ASCC2: variants seen among roughly 807,000 people sequenced by gnomAD.
The protein encoded by ASCC2 is activating signal cointegrator 1 complex subunit 2.
Under a neutral mutation model 93.5 loss-of-function variants are expected in ASCC2, and 42 were observed. The ratio of observed to expected loss-of-function variants is 0.45; its 90% CI spans 0.35 to 0.58. ASCC2 has a LOEUF of 0.58. ASCC2 is among the 20% of genes least tolerant of loss of function. The pLI, the probability that ASCC2 is intolerant of heterozygous loss-of-function variation, is 0.00. For missense variants in ASCC2, 859 were observed against 977.6 expected, an observed-to-expected ratio of 0.88 and a Z score of 1.62; for synonymous variants, 364 against 384.2, an observed-to-expected ratio of 0.95 and a Z score of 0.62.
At chr22:29,790,420 C>G in intron 19 of ASCC2, 49 bp downstream of exon 19, 1 of 1,604,848 alleles carries the variant, frequency 6.2e-7, no homozygotes, top group Non-Finnish European at 8.5e-7. Flanking sequence ...CTAGGCCCTC[C>G]CCAGATGGTG....
chr22:29,806,604 C>T, intron 10 of ASCC2, 51 bp from the exon 11 acceptor site: 1 of 1,549,554 alleles, frequency 6.5e-7, no homozygotes, highest in Middle Eastern at 1.7e-4. Flanking sequence ...AGATGAGCTG[C>T]AGCTCCTTTA....
rs770997841 is a variant in ASCC2 at position 29,801,026 on chromosome 22, G to GCTGAACACA, written c.1652_1653insTGTGTTCAG (p.Asp551_Ser552insValPheSer). ...TGTGCACCCGGCTCAGGTCTACTGA[G>GCTGAACACA]TCCCTGCTGAACACATCAAACTCGT... On this transcript the variant is annotated inframe_insertion, in exon 15 of 20. Coordinates refer to ENST00000307790, the MANE Select transcript of ASCC2 (RefSeq NM_032204.5). The GCTGAACACA allele has an allele frequency of 2.1e-5, 34 of 1,603,398 alleles. 1 individual carries two copies. In the South Asian group the frequency reaches 2.9e-4, roughly 14 times the overall value.
intron 1 of ASCC2, among the ~76,000 whole-genome samples, chr22:29,836,678 A>C (rs2148457438): frequency 6.6e-6 from 1 of 152,112 alleles, no homozygotes; most frequent in East Asian, 2.0e-4. Flanking sequence ...CTCCTGCCTC[A>C]GCCTCCCGAG....
Position 29,800,971 on chromosome 22 carries a change from C to A in ASCC2, c.1688+20G>T. The A allele has an allele frequency of 6.4e-7, 1 of 1,568,506 alleles. No homozygotes were observed. The highest frequency in any genetic ancestry group is 8.7e-7 in the Non-Finnish European group (1 of 1,148,310). On this transcript the variant is annotated intron_variant, in intron 15 of 19. Coordinates refer to ENST00000307790, the MANE Select transcript of ASCC2 (RefSeq NM_032204.5). The stretch of plus-strand genomic sequence containing the variant: ...CTTCCAGAGTTGGGGTATCGGAACC[C>A]CATGGCCCACTGCACTCACCTCTTG...
intron 7 of ASCC2, among the ~76,000 whole-genome samples, chr22:29,814,169 C>G (rs149508573): frequency 1.6e-3 from 244 of 152,320 alleles, no homozygotes; most frequent in African/African-American, 5.7e-3. Flanking sequence ...ATCTCCAGGG[C>G]TAGGGCAGCA....
At chr22:29,833,309 C>G (rs923934650) in intron 1 of ASCC2, among the ~76,000 whole-genome samples, 1 of 151,686 alleles carries the variant, frequency 6.6e-6, no homozygotes, top group Non-Finnish European at 1.5e-5. Flanking sequence ...GATTTTAAGT[C>G]TTTTGAGGGT....
At chr22:29,793,520 G>A in intron 16 of ASCC2, 30 bp from the exon 17 acceptor site, 2 of 1,613,968 alleles carry the variant, frequency 1.2e-6, no homozygotes, top group Non-Finnish European at 1.7e-6. Flanking sequence ...GGTCTGGGGG[G>A]CTCAGGGGCT....
At chr22:29,817,924 T>C (rs889234929) in intron 5 of ASCC2, among the ~76,000 whole-genome samples, 8 of 152,158 alleles carry the variant, frequency 5.3e-5, no homozygotes, top group Non-Finnish European at 1.0e-4. Context: ...CAGTCCACAA[T>C]TGGGCCAAGG....
chr22:29,802,899 G>A (rs1039320328), intron 13 of ASCC2, among the ~76,000 whole-genome samples: 3 of 151,982 alleles, frequency 2.0e-5, no homozygotes, highest in Non-Finnish European at 2.9e-5. Flanking sequence ...TCAAGCCACT[G>A]CACTCCAGCC....
At chr22:29,813,693 G>A in intron 7 of ASCC2, 151 bp from the exon 8 acceptor site, 1 of 623,424 alleles carries the variant, frequency 1.6e-6, no homozygotes, top group Non-Finnish European at 2.9e-6. Flanking sequence ...GGCAAAGTCT[G>A]GCTAGTCCAT....
intron 15 of ASCC2, among the ~76,000 whole-genome samples, chr22:29,800,392 C>T (rs2058943987): frequency 1.3e-5 from 2 of 152,304 alleles, no homozygotes; most frequent in South Asian, 2.1e-4. Flanking sequence ...GCAAACTCCA[C>T]GTGGGCAGGG....
rs556894682 is a variant in ASCC2 at position 29,807,664 on chromosome 22, TA to T, written c.908+446del. Among the ~76,000 whole-genome samples the T allele has an allele frequency of 1.1e-3, 169 of 152,258 alleles. 2 individuals carry two copies. Among genetic ancestry groups the T allele is most frequent in the African/African-American group, 3.8e-3 (158 of 41,542 alleles). On this transcript the variant is annotated intron_variant, in intron 9 of 19. Coordinates refer to ENST00000307790, the MANE Select transcript of ASCC2 (RefSeq NM_032204.5). ...TTCATACAAGTCTACAGAGAACATA[TA>T]TTTTTTTTAATATGCTAAGAGTTTA...
At chr22:29,836,347 T>C (rs1278735717) in intron 1 of ASCC2, 1 of 114,918 alleles carries the variant, frequency 8.7e-6, no homozygotes. Flanking sequence ...GCCATTGCAC[T>C]CCAGCCTGGG....
chr22:29,798,261 A>G (rs2058672885), intron 15 of ASCC2, among the ~76,000 whole-genome samples: 1 of 151,930 alleles, frequency 6.6e-6, no homozygotes, highest in Non-Finnish European at 1.5e-5. Flanking sequence ...AGGTCTTTCT[A>G]CCTTTCCGTT....
intron 15 of ASCC2, among the ~76,000 whole-genome samples, chr22:29,794,182 G>A (rs1347226851): frequency 6.7e-6 from 1 of 148,710 alleles, no homozygotes; most frequent in Non-Finnish European, 1.5e-5. Flanking sequence ...GCTGCGCCCG[G>A]CCAAGAGCCA....
chr22:29,833,277 A>G (rs1808104954), intron 1 of ASCC2, among the ~76,000 whole-genome samples: 1 of 151,856 alleles, frequency 6.6e-6, no homozygotes, highest in African/African-American at 2.4e-5. Context: ...ATATGAGGAC[A>G]CTCCTTTTAA....
At chr22:29,806,395 G>A in intron 11 of ASCC2, 90 bp downstream of exon 11, 1 of 1,566,110 alleles carries the variant, frequency 6.4e-7, no homozygotes, top group African/African-American at 1.4e-5. Context: ...TATTAGAGCT[G>A]TGGTGGGCCT....
Position 29,813,438 on chromosome 22 carries a change from A to G in ASCC2, c.825T>C (p.Phe275=). The change falls in exon 8 of 20, where the codon TTT becomes TTC. Residue 275 remains phenylalanine, a synonymous_variant. Transcript: ENST00000307790. ...LACQTFQKHD[F]CYRLASFYEA... ...CAGAACTACCGCCTTACCTGTAACA[A>G]AAGTCGTGCTTCTGGAAGGTCTGGC... 6.2e-7 allele frequency: 1 copy of G among 1,609,798 alleles called. No homozygotes were observed. The highest frequency in any genetic ancestry group is 8.5e-7 in the Non-Finnish European group (1 of 1,176,020).
chr22:29,818,407 CACACACACA>C (rs1161488940), intron 5 of ASCC2, among the ~76,000 whole-genome samples: 65 of 3,318 alleles, frequency 0.02, no homozygotes, highest in Non-Finnish European at 0.037. Context: ...CCTGCCTACA[CACACACACA>C]CACACACACA....
Sources: gnomAD v4.1 joint callset for allele counts (sites outside exome capture counted in the v4.1 genomes callset) on GRCh38, gnomAD v4.1.1 for gene constraint, MANE v1.5 for transcripts, NCBI Gene and HGNC (gene_info 2026-07-23, HGNC 2026-07-21) for gene names.